Variants in ROBO1 observed in about 807,000 individuals in gnomAD.
ROBO1 encodes the protein roundabout homolog 1.
ROBO1 carries 149 observed loss-of-function variants against 195.9 expected under a neutral mutation model. The observed-to-expected ratio is 0.76, with a 90% CI of 0.67 to 0.87. The LOEUF is 0.87. ROBO1 is among the 40% of genes least tolerant of loss of function. The pLI is 0.00. For missense variants in ROBO1, 1,933 were observed against 2,068.3 expected (o/e 0.93, Z 1.27); for synonymous variants, 816 against 733.2 (o/e 1.11, Z -1.82).
intron 2 of ROBO1, among the ~76,000 whole-genome samples, chr3:79,412,528 GA>G (rs577521950): frequency 6.6e-6 from 1 of 152,032 alleles, no homozygotes; most frequent in Non-Finnish European, 1.5e-5. Context: ...GTTAAGGAAA[GA>G]AAAAAATCCC....
At chr3:79,284,100 A>G (rs567133532) in intron 2 of ROBO1, among the ~76,000 whole-genome samples, 2 of 152,040 alleles carry the variant, frequency 1.3e-5, no homozygotes, top group Admixed American at 6.6e-5. Context: ...ATGTATATAT[A>G]CATGCATATA....
chr3:79,596,111 A>G (rs1259342551), intron 1 of ROBO1, among the ~76,000 whole-genome samples: 1 of 152,050 alleles, frequency 6.6e-6, no homozygotes, highest in African/African-American at 2.4e-5. Context: ...TCAATCACCC[A>G]AAATCAATCT....
intron 2 of ROBO1, among the ~76,000 whole-genome samples, chr3:79,339,732 T>C (rs2109217715): frequency 6.6e-6 from 1 of 152,310 alleles, no homozygotes; most frequent in Non-Finnish European, 1.5e-5. Flanking sequence ...AAGGCCAAAA[T>C]TTTGTCTGTG....
At chr3:79,486,810 C>A (rs9836049) in intron 2 of ROBO1, among the ~76,000 whole-genome samples, 54,839 of 151,528 alleles carry the variant, frequency 0.36, 10,118 homozygotes, top group African/African-American at 0.44. Flanking sequence ...TCCAAAAATG[C>A]TCTCTGCCCT....
At chr3:78,659,030 T>C (rs945631268) in intron 17 of ROBO1, among the ~76,000 whole-genome samples, 3 of 152,174 alleles carry the variant, frequency 2.0e-5, no homozygotes, top group Admixed American at 1.3e-4. Flanking sequence ...CAATTTAGCT[T>C]GAGAGCTGAG....
intron 2 of ROBO1, among the ~76,000 whole-genome samples, chr3:79,294,925 G>C (rs549645226): frequency 6.6e-6 from 1 of 152,078 alleles, no homozygotes; most frequent in African/African-American, 2.4e-5. Context: ...TTAGAATGGC[G>C]ATCATTAAAA....
chr3:79,712,994 G>T (rs949885473), intron 1 of ROBO1, among the ~76,000 whole-genome samples: 1 of 151,942 alleles, frequency 6.6e-6, no homozygotes, highest in African/African-American at 2.4e-5. Flanking sequence ...TGTTACATAG[G>T]TATACATGTG....
intron 2 of ROBO1, among the ~76,000 whole-genome samples, chr3:79,529,737 C>T (rs1240003920): frequency 1.3e-5 from 2 of 152,140 alleles, no homozygotes; most frequent in Admixed American, 6.6e-5. Context: ...TCTCAAACCA[C>T]TGTTGACTGC....
At chr3:79,270,074 A>G (rs2030386695) in intron 2 of ROBO1, among the ~76,000 whole-genome samples, 1 of 151,686 alleles carries the variant, frequency 6.6e-6, no homozygotes, top group African/African-American at 2.4e-5. Context: ...CTCAGTTTCT[A>G]TTTTGCTTCC....
intron 8 of ROBO1, among the ~76,000 whole-genome samples, chr3:78,703,711 T>C (rs1260963995): frequency 6.6e-6 from 1 of 151,964 alleles, no homozygotes. Context: ...AGAGTATCCA[T>C]ACATACAAGC....
chr3:79,567,529 TTA>T (rs1378192219), intron 2 of ROBO1, among the ~76,000 whole-genome samples: 16 of 152,172 alleles, frequency 1.1e-4, no homozygotes, highest in African/African-American at 3.9e-4. Flanking sequence ...TGTGCAATCT[TTA>T]TATGTCTTCC....
At chr3:78,770,041 A>G (rs566396404) in intron 4 of ROBO1, among the ~76,000 whole-genome samples, 1 of 152,284 alleles carries the variant, frequency 6.6e-6, no homozygotes, top group East Asian at 1.9e-4. Flanking sequence ...GGATAACCTG[A>G]TGACAGTGTG....
intron 4 of ROBO1, among the ~76,000 whole-genome samples, chr3:78,839,258 C>T (rs926225880): frequency 1.3e-5 from 2 of 151,946 alleles, no homozygotes; most frequent in Non-Finnish European, 2.9e-5. Context: ...ATTATTACTA[C>T]TACCATCATA....
At chr3:79,474,265 G>GTA (rs1378068859) in intron 2 of ROBO1, among the ~76,000 whole-genome samples, 1 of 152,102 alleles carries the variant, frequency 6.6e-6, no homozygotes, top group African/African-American at 2.4e-5. Context: ...CTAAGTGACT[G>GTA]TATACCACAA....
intron 2 of ROBO1, among the ~76,000 whole-genome samples, chr3:79,208,261 A>G (rs150227157): frequency 1.3e-5 from 2 of 152,272 alleles, no homozygotes; most frequent in East Asian, 1.9e-4. Flanking sequence ...CTTGACACCA[A>G]ATGCCTGGTA....
chr3:78,610,808 A>G (rs1304426272), intron 28 of ROBO1, among the ~76,000 whole-genome samples: 3 of 152,178 alleles, frequency 2.0e-5, no homozygotes, highest in Non-Finnish European at 4.4e-5. Flanking sequence ...ACAATTAGAG[A>G]GGGAAATGTT....
intron 2 of ROBO1, among the ~76,000 whole-genome samples, chr3:79,562,289 CAT>C (rs1329306768): frequency 2.0e-5 from 3 of 151,920 alleles, no homozygotes; most frequent in Non-Finnish European, 2.9e-5. Flanking sequence ...CACACACACA[CAT>C]ACAACAAAGA....
chr3:79,421,801 T>C (rs1315754596), intron 2 of ROBO1, among the ~76,000 whole-genome samples: 2 of 152,074 alleles, frequency 1.3e-5, no homozygotes, highest in African/African-American at 4.8e-5. Flanking sequence ...AAAATGTTAG[T>C]GACTAATGTT....
intron 1 of ROBO1, among the ~76,000 whole-genome samples, chr3:79,646,354 A>G (rs981355581): frequency 1.3e-5 from 2 of 152,154 alleles, no homozygotes; most frequent in Admixed American, 6.6e-5. Context: ...CAAACGCACA[A>G]TGATATATCA....
Sources: gnomAD v4.1 joint callset for allele counts (sites outside exome capture counted in the v4.1 genomes callset) on GRCh38, gnomAD v4.1.1 for gene constraint, MANE v1.5 for transcripts, NCBI Gene and HGNC (gene_info 2026-07-23, HGNC 2026-07-21) for gene names.